Variants in CDH13 observed in about 807,000 individuals in gnomAD.
The protein encoded by CDH13 is cadherin 13, also known as cadherin-13.
Under a neutral mutation model 63.8 loss-of-function variants are expected in CDH13, and 24 were observed. That is an observed-to-expected ratio of 0.38 (90% CI 0.27 to 0.53). The LOEUF is 0.53. Among genes scored for constraint, CDH13 ranks in the 20% least tolerant of loss-of-function variants. CDH13 has a pLI of 0.85. For synonymous variants in CDH13, 503 were observed against 355.3 expected, an observed-to-expected ratio of 1.42 and a Z score of -4.67; for missense variants, 1,049 against 903.1, an observed-to-expected ratio of 1.16 and a Z score of -2.07.
intron 6 of CDH13, among the ~76,000 whole-genome samples, chr16:83,388,891 A>G (rs2091730717): frequency 6.6e-6 from 1 of 152,200 alleles, no homozygotes; most frequent in Non-Finnish European, 1.5e-5. Context: ...AATAAGATCC[A>G]CAGGTGATCT....
intron 3 of CDH13, among the ~76,000 whole-genome samples, chr16:83,049,726 T>C (rs1228714039): frequency 6.6e-6 from 1 of 152,226 alleles, no homozygotes; most frequent in Non-Finnish European, 1.5e-5. Flanking sequence ...TTTATGTGGA[T>C]GGACCACAAA....
At chr16:82,693,215 A>G (rs1283642672) in intron 1 of CDH13, among the ~76,000 whole-genome samples, 1 of 152,200 alleles carries the variant, frequency 6.6e-6, no homozygotes, top group Non-Finnish European at 1.5e-5. Flanking sequence ...AGCACCTTGA[A>G]GCAGAGAAGA....
chr16:83,553,430 G>A (rs2075545761), intron 7 of CDH13, among the ~76,000 whole-genome samples: 1 of 152,166 alleles, frequency 6.6e-6, no homozygotes, highest in African/African-American at 2.4e-5. Flanking sequence ...TCTTTTCTAT[G>A]CATATGTTTT....
At chr16:82,833,917 G>C (rs1039988382) in intron 1 of CDH13, among the ~76,000 whole-genome samples, 18 of 152,310 alleles carry the variant, frequency 1.2e-4, no homozygotes, top group Non-Finnish European at 2.4e-4. Flanking sequence ...ACTGCATTTT[G>C]TATTTAACAA....
In CDH13 at chr16:83,427,824, C is replaced by T. The variant is rs114821746; in HGVS notation, c.782-58653C>T. Among the ~76,000 whole-genome samples, 424 of 152,338 alleles carry T rather than the reference C, an allele frequency of 2.8e-3. 1 individual carries two copies. Among genetic ancestry groups the T allele is most frequent in the African/African-American group, 9.3e-3 (385 of 41,574 alleles). On this transcript the variant is annotated intron_variant, in intron 6 of 13. Transcript: ENST00000567109. ...AAGAGGCCACTTGTAACAATGTGAG[C>T]TTCTGTTCCCCTAATAGTATTAACA...
chr16:83,548,499 ACAT>A lies in CDH13; in HGVS notation c.961-53952_961-53950del, dbSNP rs1413100717. ...GAGAAACCTGGCTTCAGATGTAGAA[ACAT>A]CAGAGATGCAGTGTCAGAGGTGATC... On this transcript the variant is annotated intron_variant, in intron 7 of 13. Transcript: ENST00000567109. Among the ~76,000 whole-genome samples the A allele has an allele frequency of 1.3e-5, 2 of 152,290 alleles. 1 individual carries two copies. Among genetic ancestry groups the A allele is most frequent in the African/African-American group, 4.8e-5 (2 of 41,570 alleles).
chr16:83,591,456 C>G (rs1372305592), intron 7 of CDH13, among the ~76,000 whole-genome samples: 1 of 152,246 alleles, frequency 6.6e-6, no homozygotes, highest in Admixed American at 6.5e-5. Flanking sequence ...GGGATTCACT[C>G]TGTTTCCTCT....
intron 8 of CDH13, among the ~76,000 whole-genome samples, chr16:83,615,955 C>G (rs185316468): frequency 6.6e-6 from 1 of 152,132 alleles, no homozygotes; most frequent in African/African-American, 2.4e-5. Flanking sequence ...TAGGAAGACA[C>G]GAAATCATCA....
At chr16:82,790,054 T>A (rs770382379) in intron 1 of CDH13, among the ~76,000 whole-genome samples, 4 of 152,186 alleles carry the variant, frequency 2.6e-5, no homozygotes, top group Non-Finnish European at 4.4e-5. Context: ...TCTGGTGCTA[T>A]AGGGGGGTGC....
intron 3 of CDH13, among the ~76,000 whole-genome samples, chr16:83,089,925 A>T (rs1284113628): frequency 1.3e-5 from 2 of 152,132 alleles, no homozygotes; most frequent in Non-Finnish European, 2.9e-5. Flanking sequence ...ATCCTAAGAG[A>T]TGCTCTGAGG....
intron 6 of CDH13, among the ~76,000 whole-genome samples, chr16:83,417,129 T>G (rs985159778): frequency 2.0e-5 from 3 of 151,978 alleles, no homozygotes; most frequent in African/African-American, 7.3e-5. Flanking sequence ...AAAAGAGAGG[T>G]TAATTAGCCC....
At position 83,426,077 on chromosome 16, in the gene CDH13, A is replaced by G. The variant is rs1055699614; in HGVS notation, c.782-60400A>G. Among the ~76,000 whole-genome samples, 2 of 152,210 alleles carry G rather than the reference A, an allele frequency of 1.3e-5. 1 individual carries two copies. Among genetic ancestry groups the G allele is most frequent in the Non-Finnish European group, 2.9e-5 (2 of 68,040 alleles). ...TTCTTAACTCCAATGTTTCAAAGCT[A>G]GGAGGAGAAATCAGTATTCCCAGGG... On this transcript the variant is annotated intron_variant, in intron 6 of 13. Transcript: ENST00000567109.
chr16:83,717,939 C>G (rs895522369), intron 10 of CDH13: 1 of 152,258 alleles, frequency 6.6e-6, no homozygotes, highest in Non-Finnish European at 1.5e-5. Context: ...ATTCACCACT[C>G]TGGCTTGATG....
At chr16:83,248,102 G>A (rs8056448) in intron 5 of CDH13, among the ~76,000 whole-genome samples, 20,105 of 152,096 alleles carry the variant, frequency 0.13, 1,441 homozygotes, top group Middle Eastern at 0.2. Flanking sequence ...GTGCTAATGA[G>A]ATCAGAGACA....
intron 3 of CDH13, among the ~76,000 whole-genome samples, chr16:83,089,859 T>C (rs2151580266): frequency 6.6e-6 from 1 of 152,276 alleles, no homozygotes; most frequent in Non-Finnish European, 1.5e-5. Context: ...GTAAAAAATG[T>C]AGTTTCTGAT....
intron 10 of CDH13, among the ~76,000 whole-genome samples, chr16:83,728,359 G>GTGTGTGTGTGTC (rs1910670670): frequency 6.6e-6 from 1 of 151,900 alleles, no homozygotes; most frequent in South Asian, 2.1e-4. Flanking sequence ...GTGTGTGTGT[G>GTGTGTGTGTGTC]TGTTGTGAAG....
chr16:83,358,678 A>G (rs548839706), intron 6 of CDH13, among the ~76,000 whole-genome samples: 24 of 152,278 alleles, frequency 1.6e-4, no homozygotes, highest in Non-Finnish European at 3.2e-4. Flanking sequence ...GCTGCTTGAG[A>G]CATAAGCCCA....
At chr16:83,734,258 G>T (rs1016050670) in intron 10 of CDH13, among the ~76,000 whole-genome samples, 1 of 152,188 alleles carries the variant, frequency 6.6e-6, no homozygotes, top group African/African-American at 2.4e-5. Context: ...CCAGGGGTTT[G>T]GTCTGGGTCC....
intron 1 of CDH13, among the ~76,000 whole-genome samples, chr16:82,729,712 C>G (rs1333144463): frequency 5.3e-5 from 8 of 152,136 alleles, no homozygotes; most frequent in Admixed American, 4.6e-4. Context: ...GTCAGCCTGT[C>G]CTTTGAAGCT....
Sources: gnomAD v4.1 joint callset for allele counts (sites outside exome capture counted in the v4.1 genomes callset) on GRCh38, gnomAD v4.1.1 for gene constraint, MANE v1.5 for transcripts, NCBI Gene and HGNC (gene_info 2026-07-23, HGNC 2026-07-21) for gene names.